Variants in HUWE1 observed in about 807,000 individuals in gnomAD.
HUWE1 encodes E3 ubiquitin-protein ligase HUWE1.
In HUWE1, 18 loss-of-function variants were observed where a neutral mutation model predicts 299.4. The observed-to-expected ratio is 0.06, with a 90% CI of 0.04 to 0.09. HUWE1 has a LOEUF of 0.09. Among genes scored for constraint, HUWE1 ranks in the 10% least tolerant of loss-of-function variants. HUWE1 has a pLI of 1.00. For missense variants in HUWE1, 1,832 were observed against 3,462.3 expected (o/e 0.53, Z 11.82); for synonymous variants, 1,317 against 1,286.1 (o/e 1.02, Z -0.51).
rs781800549 is a variant in HUWE1, at chrX:53,615,743, C to T, written c.2049+1G>A. On this transcript the variant is annotated splice_donor_variant, in intron 22 of 83. Coordinates refer to ENST00000262854, the MANE Select transcript of HUWE1 (RefSeq NM_031407.7). LOFTEE classifies it high-confidence loss of function. ...ATGGTCACATCCTTATCACTTTCTACCTTGATGATGGCAGTCGTTGCATCT... is the reference window on the plus strand; with the variant it reads ...ATGGTCACATCCTTATCACTTTCTATCTTGATGATGGCAGTCGTTGCATCT... 1 of 1,196,682 alleles carries T rather than the reference C, an allele frequency of 8.4e-7. No individual in the cohort carries two copies. The highest frequency in any genetic ancestry group is 2.2e-5 in the Admixed American group (1 of 45,946).
chrX:53,590,147 G>A (rs1201409591), intron 35 of HUWE1, among the ~76,000 whole-genome samples: 3 of 111,919 alleles, frequency 2.7e-5, no homozygotes, highest in Non-Finnish European at 5.6e-5. Context: ...AGCCAAGTTC[G>A]GCCTAATGGC....
intron 19 of HUWE1, among the ~76,000 whole-genome samples, chrX:53,624,165 A>G (rs1441736985): frequency 2.7e-5 from 3 of 111,417 alleles, no homozygotes; most frequent in Non-Finnish European, 5.7e-5. Context: ...CCAGGTAGAC[A>G]GTAGAGATGG....
intron 23 of HUWE1, 135 bp from the exon 24 acceptor site, chrX:53,609,044 G>T: frequency 2.0e-6 from 1 of 489,255 alleles, no homozygotes; most frequent in South Asian, 2.8e-5. Context: ...TTGAGACAGG[G>T]TCTTGCTGTC....
chrX:53,574,051 C>T, intron 46 of HUWE1, 87 bp from the exon 47 acceptor site: 3 of 822,424 alleles, frequency 3.6e-6, no homozygotes, highest in African/African-American at 2.0e-5. Flanking sequence ...GCTATTTCTC[C>T]TCCACTTTAA....
In HUWE1 at chrX:53,573,936, C is replaced by T. The variant is rs149577148; in HGVS notation, c.6126G>A (p.Gly2042=). 46 of 1,209,275 alleles carry T rather than the reference C, an allele frequency of 3.8e-5. No homozygotes were observed. The African/African-American group carries it at 7.3e-4, about 19-fold the overall frequency. ...CCCGGTCCCCTTCTTTATCTTTCTT[C>T]CCATCTCGAGACTCCTCTGGAGTTG... The part of the protein sequence containing the change: ...EASTPEESRD[G]KKDKEGDRAS... Residue 2042 remains glycine, a synonymous_variant, in exon 47 of 84, where the codon GGG becomes GGA. Coordinates refer to ENST00000262854, the MANE Select transcript of HUWE1 (RefSeq NM_031407.7).
rs2060822636 is a variant in HUWE1 at position 53,532,634 on chromosome X, G to GA, written c.*674dup. 1 of 110,466 alleles carries GA rather than the reference G, an allele frequency of 9.1e-6. No homozygotes were observed. Among genetic ancestry groups the GA allele is most frequent in the Non-Finnish European group, 1.9e-5 (1 of 52,886 alleles). The allele number at this position is 110,466 out of a possible 1,213,427, so 9.1% of individuals were successfully genotyped here. ...TCTCCTGACTGCAGAAACTGACTCT[G>GA]AAGGAGGAAGTTGCACCAGTGGTGG... is the stretch of plus-strand genomic sequence containing the variant. On this transcript the variant is annotated 3_prime_UTR_variant, in exon 84 of 84. Coordinates refer to ENST00000262854, the MANE Select transcript of HUWE1 (RefSeq NM_031407.7).
rs2070044034 is a variant in HUWE1, at chrX:53,679,941, G to A, written c.-25+108C>T. ...AGTACCACATCAGATCCAGAGAATG[G>A]AAGAAACCAAAGTAGCTCCATTACA... is the stretch of plus-strand genomic sequence containing the variant. On this transcript the variant is annotated intron_variant, in intron 3 of 83. Coordinates refer to ENST00000262854, the MANE Select transcript of HUWE1 (RefSeq NM_031407.7). 3 of 291,139 alleles carry A rather than the reference G, an allele frequency of 1.0e-5. No individual in the cohort carries two copies. In the Admixed American group the frequency reaches 1.9e-4, roughly 18 times the overall value. 24.0% of individuals were successfully genotyped at this position (291,139 alleles called of 1,213,427 possible). A position where few individuals can be genotyped will look rare whatever the true frequency, so the allele number is the denominator to read the frequency against.
chrX:53,573,840 A>G lies in HUWE1; in HGVS notation c.6222T>C (p.Leu2074=), dbSNP rs782660607. Residue 2074 remains leucine (L), a synonymous_variant, in exon 47 of 84, where the codon CTT becomes CTC. Transcript: ENST00000262854. The part of the protein sequence containing the change: ...PLMPTSTILR[L]LAELVRSYVG... Reference sequence around the variant, plus strand: ...CATAGGACCTCACCAACTCTGCCAGAAGACGAAGGATAGTGGAGGTAGGCA... The same window carrying G: ...CATAGGACCTCACCAACTCTGCCAGGAGACGAAGGATAGTGGAGGTAGGCA... 3 of 1,211,210 alleles carry G rather than the reference A, an allele frequency of 2.5e-6. No homozygotes were observed. Among genetic ancestry groups the G allele is most frequent in the Non-Finnish European group, 3.4e-6 (3 of 894,766 alleles).
chrX:53,645,178 T>C, intron 7 of HUWE1, 133 bp downstream of exon 7: 1 of 615,082 alleles, frequency 1.6e-6, no homozygotes, highest in Non-Finnish European at 2.6e-6. Flanking sequence ...AGGGCACCAA[T>C]AGTTCTAACT....
chrX:53,611,112 C>G (rs994870987), intron 23 of HUWE1, among the ~76,000 whole-genome samples: 2 of 107,259 alleles, frequency 1.9e-5, no homozygotes, highest in African/African-American at 6.8e-5. Context: ...TTTCCTTACT[C>G]CAAATCTCCA....
intron 43 of HUWE1, among the ~76,000 whole-genome samples, chrX:53,577,757 C>T (rs1437083717): frequency 4.4e-5 from 5 of 114,730 alleles, no homozygotes; most frequent in East Asian, 5.5e-4. Flanking sequence ...CTCCTAACCG[C>T]GAGTGATCCG....
rs868960129 is a variant in HUWE1, at chrX:53,661,314, G to A, written c.-24-7183C>T. 6.2e-5 allele frequency among the ~76,000 whole-genome samples: 7 copies of A among 112,316 alleles called. 1 individual carries two copies. Among genetic ancestry groups the A allele is most frequent in the African/African-American group, 1.9e-4 (6 of 30,974 alleles). ...TTCCCAAAGTGCTGGGATTACAGGC[G>A]TGAGCCACGGCACCCAGCCTCACCT... On this transcript the variant is annotated intron_variant, in intron 3 of 83. Transcript: ENST00000262854.
At chrX:53,604,021 AATT>A (rs1556994125) in intron 26 of HUWE1, among the ~76,000 whole-genome samples, 1 of 111,679 alleles carries the variant, frequency 9.0e-6, no homozygotes, top group East Asian at 2.8e-4. Context: ...ATTGATTCAC[AATT>A]AACAGAGAAC....
intron 59 of HUWE1, among the ~76,000 whole-genome samples, chrX:53,558,074 TCAGA>T (rs1447375233): frequency 4.5e-5 from 5 of 112,191 alleles, no homozygotes; most frequent in African/African-American, 1.6e-4. Flanking sequence ...CAACATTTAC[TCAGA>T]CATTTAAAAG....
chrX:53,613,009 T>C (rs1407968645), intron 23 of HUWE1, among the ~76,000 whole-genome samples: 2 of 110,944 alleles, frequency 1.8e-5, no homozygotes, highest in Non-Finnish European at 3.8e-5. Flanking sequence ...CCTTAAAATT[T>C]TTCCTTATTT....
Position 53,590,409 on chromosome X carries a change from G to A in HUWE1, c.4186C>T (p.Pro1396Ser), listed in dbSNP as rs1187069206. 7 of 1,186,432 alleles carry A rather than the reference G, an allele frequency of 5.9e-6. No homozygotes were observed. The highest frequency in any genetic ancestry group is 5.3e-5 in the South Asian group (3 of 56,424). The change falls in exon 35 of 84, where the codon CCT (proline) becomes TCT (serine). Residue 1396 changes from proline (P) to serine (S), a missense_variant. Pro to Ser is a moderately conservative substitution (Grantham distance 74, BLOSUM62 -1). Around this residue, in one of 15 missense-constraint regions of HUWE1, gnomAD observed 658 missense variants for 1,282.6 expected, o/e 0.51. Coordinates refer to ENST00000262854, the MANE Select transcript of HUWE1 (RefSeq NM_031407.7). ...ATGCAGTGTTCCATAGTTACCTCAG[G>A]TGACTCTGCCCTTTGATCCATTGGA... Reference protein sequence around the residue: ...DIPMDQRAESPEEVACRKEEE... With the variant: ...DIPMDQRAESSEEVACRKEEE...
At chrX:53,646,280 C>T (rs782559868) in intron 6 of HUWE1, among the ~76,000 whole-genome samples, 1 of 110,140 alleles carries the variant, frequency 9.1e-6, no homozygotes, top group Admixed American at 9.7e-5. Flanking sequence ...ACCGAAGTCT[C>T]CCGAGTAGCT....
chrX:53,675,635 GA>G (rs1409653419), intron 3 of HUWE1, among the ~76,000 whole-genome samples: 2 of 108,183 alleles, frequency 1.8e-5, no homozygotes, highest in Non-Finnish European at 3.9e-5. Flanking sequence ...TATGTTAAAA[GA>G]AAAAAAAAGA....
intron 23 of HUWE1, among the ~76,000 whole-genome samples, chrX:53,609,216 A>C (rs2065312034): frequency 9.0e-6 from 1 of 111,429 alleles, no homozygotes. Flanking sequence ...TTGAAAGCAT[A>C]AAGGGGACAA....
Sources: gnomAD v4.1 joint callset for allele counts (sites outside exome capture counted in the v4.1 genomes callset) on GRCh38, gnomAD v4.1.1 for gene constraint, gnomAD v4.1.1 regional missense constraint, MANE v1.5 for transcripts, NCBI Gene and HGNC (gene_info 2026-07-23, HGNC 2026-07-21) for gene names.